LMTK2: variants seen among roughly 807,000 people sequenced by gnomAD.
LMTK2 encodes serine/threonine-protein kinase LMTK2.
In LMTK2, 37 loss-of-function variants were observed where a neutral mutation model predicts 127.5. That is an observed-to-expected ratio of 0.29 (90% CI 0.22 to 0.38). LMTK2 has a LOEUF of 0.38. LMTK2 is among the 10% of genes least tolerant of loss of function. The pLI, the probability that LMTK2 is intolerant of heterozygous loss-of-function variation, is 1.00. For missense variants in LMTK2, 1,694 were observed against 1,920.3 expected, an observed-to-expected ratio of 0.88 and a Z score of 2.20; for synonymous variants, 819 against 810.1, an observed-to-expected ratio of 1.01 and a Z score of -0.19.
At position 98,205,853 on chromosome 7, in the gene LMTK2, G is replaced by C. The variant is rs947337945; in HGVS notation, c.*361G>C. The C allele has an allele frequency of 7.5e-5, 23 of 304,678 alleles. No individual in the cohort carries two copies. Among genetic ancestry groups the C allele is most frequent in the African/African-American group, 4.5e-4 (21 of 46,538 alleles). The allele number at this position is 304,678 out of a possible 1,614,324, so 18.9% of individuals were successfully genotyped here. On this transcript the variant is annotated 3_prime_UTR_variant, in exon 14 of 14. Transcript: ENST00000297293. ...GTGTGCTTTCCACAGGGGCGTCTCT[G>C]CGTCCACGCCTGCACATCCCGGCGC...
At chr7:98,148,262 G>A (rs1032136708) in intron 3 of LMTK2, among the ~76,000 whole-genome samples, 1 of 151,570 alleles carries the variant, frequency 6.6e-6, no homozygotes, top group Non-Finnish European at 1.5e-5. Context: ...GGCTGAGGTG[G>A]GTGGATCACC....
chr7:98,171,789 C>G lies in LMTK2; in HGVS notation c.791+115C>G. On this transcript the variant is annotated intron_variant, in intron 7 of 13. Coordinates refer to ENST00000297293, the MANE Select transcript of LMTK2 (RefSeq NM_014916.4). This position sits in a 1 kb window ranked among gnomAD's most constrained non-coding sequence, Gnocchi z 5.1. ...AGGAGGTGGCAGAATGAACCCAGCT[C>G]ATGTAGGTAGAAGCGATCTCGTTCT... is the stretch of plus-strand genomic sequence containing the variant. 3 of 1,194,862 alleles carry G rather than the reference C, an allele frequency of 2.5e-6. No individual in the cohort carries two copies. Among genetic ancestry groups the G allele is most frequent in the Non-Finnish European group, 3.4e-6 (3 of 884,818 alleles). The allele number at this position is 1,194,862 out of a possible 1,614,324, so 74.0% of individuals were successfully genotyped here.
intron 2 of LMTK2, among the ~76,000 whole-genome samples, chr7:98,140,179 T>TG (rs770460117): frequency 0.71 from 52,422 of 73,414 alleles, 21,690 homozygotes; most frequent in Middle Eastern, 0.83. Context: ...TTTCTTTCTT[T>TG]TCTTTCTTCT....
In LMTK2 at chr7:98,124,297, T is replaced by G. The variant is rs1189216392; in HGVS notation, c.104-13018T>G. Among the ~76,000 whole-genome samples, 2 of 152,198 alleles carry G rather than the reference T, an allele frequency of 1.3e-5. 1 individual carries two copies. Among genetic ancestry groups the G allele is most frequent in the Admixed American group, 1.3e-4 (2 of 15,284 alleles). The stretch of plus-strand genomic sequence containing the variant: ...AGAGCTTGCACTCTGAGCCTCACCA[T>G]GTACTGTCTGACCTTGGAGAAGTTA... On this transcript the variant is annotated intron_variant, in intron 1 of 13. Coordinates refer to ENST00000297293, the MANE Select transcript of LMTK2 (RefSeq NM_014916.4).
chr7:98,151,167 G>A (rs573697324), intron 3 of LMTK2, among the ~76,000 whole-genome samples: 14 of 151,994 alleles, frequency 9.2e-5, no homozygotes, highest in African/African-American at 1.4e-4. Flanking sequence ...AAAACAATGC[G>A]CAAGGTATTA....
intron 6 of LMTK2, among the ~76,000 whole-genome samples, chr7:98,165,835 G>A (rs866646155): frequency 3.3e-5 from 5 of 152,296 alleles, no homozygotes; most frequent in Admixed American, 6.5e-5. Context: ...GAGGAGAGGG[G>A]ACACAGAGTC....
intron 1 of LMTK2, among the ~76,000 whole-genome samples, chr7:98,125,642 A>G (rs753223511): frequency 2.6e-5 from 4 of 152,168 alleles, no homozygotes; most frequent in Non-Finnish European, 5.9e-5. Context: ...GAGTATCTGG[A>G]AGCACCTAAT....
chr7:98,141,443 C>G lies in LMTK2; in HGVS notation c.278C>G (p.Ala93Gly). Reference sequence around the variant, plus strand: ...GATGAGATAGATTTCACACCACCAGCAGAAGACACTCCCTCTGTTCAGTCC... The same window carrying G: ...GATGAGATAGATTTCACACCACCAGGAGAAGACACTCCCTCTGTTCAGTCC... Reference protein sequence around the residue: ...FDDEIDFTPPAEDTPSVQSPA... With the variant: ...FDDEIDFTPPGEDTPSVQSPA... The change falls in exon 3 of 14, where the codon GCA (alanine) becomes GGA (glycine). Residue 93 changes from alanine to glycine, a missense_variant. Physicochemically the swap from Ala to Gly is moderately conservative, Grantham distance 60. This residue lies in a region of LMTK2 where 203 missense variants were observed against 226.2 expected (regional missense o/e 0.90). Transcript: ENST00000297293. The G allele has an allele frequency of 6.2e-7, 1 of 1,613,166 alleles. No homozygotes were observed. Among genetic ancestry groups the G allele is most frequent in the Non-Finnish European group, 8.5e-7 (1 of 1,179,072 alleles).
Position 98,106,878 on chromosome 7 carries a change from C to T in LMTK2, c.-300C>T. The T allele has an allele frequency of 2.2e-6, 1 of 446,394 alleles. No individual in the cohort carries two copies. The highest frequency in any genetic ancestry group is 4.0e-6 in the Non-Finnish European group (1 of 252,460). 27.7% of individuals were successfully genotyped at this position (446,394 alleles called of 1,614,324 possible). A position where few individuals can be genotyped will look rare whatever the true frequency, so the allele number is the denominator to read the frequency against. On this transcript the variant is annotated 5_prime_UTR_variant, in exon 1 of 14. Transcript: ENST00000297293. ...CCGCGCTACGTCACATGACGCAGCCCATCATGGCGGCGGGAGCGCGGCTTC... is the reference window on the plus strand; with the variant it reads ...CCGCGCTACGTCACATGACGCAGCCTATCATGGCGGCGGGAGCGCGGCTTC...
chr7:98,205,759 G>A lies in LMTK2; in HGVS notation c.*267G>A, dbSNP rs372338349. ...GCGGCCTCCCAGGCAGTGCTCATGCGCTGGCCGTCGGGGGAGGCAGGGGCA... is the reference window on the plus strand; with the variant it reads ...GCGGCCTCCCAGGCAGTGCTCATGCACTGGCCGTCGGGGGAGGCAGGGGCA... On this transcript the variant is annotated 3_prime_UTR_variant, in exon 14 of 14. Transcript: ENST00000297293. 31 of 550,632 alleles carry A rather than the reference G, an allele frequency of 5.6e-5. No homozygotes were observed. The East Asian group carries it at 6.9e-4, about 12-fold the overall frequency. 34.1% of individuals were successfully genotyped at this position (550,632 alleles called of 1,614,324 possible). A position where few individuals can be genotyped will look rare whatever the true frequency, so the allele number is the denominator to read the frequency against.
chr7:98,127,273 T>A (rs1283072260), intron 1 of LMTK2, among the ~76,000 whole-genome samples: 1 of 152,194 alleles, frequency 6.6e-6, no homozygotes, highest in East Asian at 1.9e-4. Context: ...GCAGTGCTAC[T>A]TGTCAGGGTG....
chr7:98,131,450 A>G (rs2116348452), intron 1 of LMTK2, among the ~76,000 whole-genome samples: 1 of 151,624 alleles, frequency 6.6e-6, no homozygotes, highest in Non-Finnish European at 1.5e-5. Context: ...TGCTGATTAC[A>G]TTCTTGTGGT....
At chr7:98,165,214 A>C (rs1424365005) in intron 6 of LMTK2, among the ~76,000 whole-genome samples, 2 of 152,200 alleles carry the variant, frequency 1.3e-5, no homozygotes, top group African/African-American at 4.8e-5. Context: ...ACGATGAGGA[A>C]GCTCTGAGCA....
intron 3 of LMTK2, among the ~76,000 whole-genome samples, chr7:98,145,180 T>C (rs1253472696): frequency 6.6e-6 from 1 of 152,000 alleles, no homozygotes; most frequent in Admixed American, 6.6e-5. Flanking sequence ...CAATTCAAAC[T>C]AGATTGTTAT....
In LMTK2 at chr7:98,203,966, TGAC is replaced by T; in HGVS notation, c.4264_4266del (p.Asp1422del). The T allele has an allele frequency of 6.2e-7, 1 of 1,614,106 alleles. No individual in the cohort carries two copies. The highest frequency in any genetic ancestry group is 8.5e-7 in the Non-Finnish European group (1 of 1,179,976). ...TAGGTGGTGGCTTTGAGTGGGATGA[TGAC>T]TTCTCCCCAGATCCTTTTATGTCAA... On this transcript the variant is annotated inframe_deletion, in exon 13 of 14. Coordinates refer to ENST00000297293, the MANE Select transcript of LMTK2 (RefSeq NM_014916.4).
chr7:98,180,026 A>T (rs1797332095), intron 7 of LMTK2, among the ~76,000 whole-genome samples: 1 of 152,244 alleles, frequency 6.6e-6, no homozygotes, highest in East Asian at 1.9e-4. Flanking sequence ...GTTAATGAGG[A>T]AAATAATAGT....
In LMTK2 at chr7:98,192,837, G is replaced by C; in HGVS notation, c.2372G>C (p.Gly791Ala). ...TTGCAGGAAAACGTAAGCACAAAGG[G>C]TGACGATACAGATGTCATGCTCACA... ...SLLQENVSTK[G>A]DDTDVMLTGD... The change falls in exon 11 of 14, where the codon GGT becomes GCT. Residue 791 changes from glycine (G) to alanine (A), a missense_variant. Coordinates refer to ENST00000297293, the MANE Select transcript of LMTK2 (RefSeq NM_014916.4). 1 of 1,613,940 alleles carries C rather than the reference G, an allele frequency of 6.2e-7. No homozygotes were observed. Among genetic ancestry groups the C allele is most frequent in the Non-Finnish European group, 8.5e-7 (1 of 1,179,872 alleles).
intron 1 of LMTK2, among the ~76,000 whole-genome samples, chr7:98,129,225 C>T (rs1293324593): frequency 2.6e-5 from 4 of 152,176 alleles, no homozygotes; most frequent in Non-Finnish European, 4.4e-5. Flanking sequence ...GCTGGGACTA[C>T]AGGCTCATGC....
chr7:98,184,702 C>G (rs1483997463), intron 7 of LMTK2, among the ~76,000 whole-genome samples: 4 of 151,710 alleles, frequency 2.6e-5, no homozygotes, highest in Non-Finnish European at 4.4e-5. Flanking sequence ...CGTCCTTAAC[C>G]TTGGCAAAAT....
Sources: gnomAD v4.1 joint callset for allele counts (sites outside exome capture counted in the v4.1 genomes callset) on GRCh38, gnomAD v4.1.1 for gene constraint, gnomAD v4.1.1 regional missense constraint, Gnocchi (gnomAD v3.1) non-coding constraint, MANE v1.5 for transcripts, NCBI Gene and HGNC (gene_info 2026-07-23, HGNC 2026-07-21) for gene names.